The following SCHIP1 variants were observed in gnomAD, a reference collection of about 807,000 sequenced individuals.
SCHIP1 encodes schwannomin-interacting protein 1.
Under a neutral mutation model 29.7 loss-of-function variants are expected in SCHIP1, and 8 were observed. That is an observed-to-expected ratio of 0.27 (90% CI 0.16 to 0.49). SCHIP1 has a LOEUF of 0.49. Among genes scored for constraint, SCHIP1 ranks in the 20% least tolerant of loss-of-function variants. The pLI, the probability that SCHIP1 is intolerant of heterozygous loss-of-function variation, is 0.99. For synonymous variants in SCHIP1, 76 were observed against 94.9 expected (o/e 0.80, Z 1.16); for missense variants, 193 against 294.6 (o/e 0.66, Z 2.52).
chr3:159,446,163 A>T, the SCHIP1 span, among the ~76,000 whole-genome samples: 11 of 151,856 alleles, frequency 7.2e-5, no homozygotes, highest in Non-Finnish European at 2.9e-5. Context: ...GGTGCTACCA[A>T]CTCTTTCAGG....
the SCHIP1 span, among the ~76,000 whole-genome samples, chr3:159,563,971 C>T: frequency 2.0e-5 from 3 of 152,176 alleles, no homozygotes; most frequent in South Asian, 6.2e-4. Context: ...CACTTACTGC[C>T]TTCTGCCTGC....
At chr3:159,768,683 C>CT in the SCHIP1 span, 1 of 152,238 alleles carries the variant, frequency 6.6e-6, no homozygotes. Context: ...ATGGAAGGGC[C>CT]TGGGGAGTCC....
the SCHIP1 span, among the ~76,000 whole-genome samples, chr3:159,709,821 T>C: frequency 6.6e-6 from 1 of 152,202 alleles, no homozygotes; most frequent in Admixed American, 6.5e-5. Context: ...GTGAAGGCAG[T>C]TTATTAAAAT....
At chr3:159,764,355 G>T in the SCHIP1 span, 2 of 1,462,266 alleles carry the variant, frequency 1.4e-6, no homozygotes, top group South Asian at 1.4e-5. The surrounding 1 kb of genome is among the most constrained non-coding windows in gnomAD (Gnocchi z 6.1). Flanking sequence ...CGCAGGGTGC[G>T]GGGCACTGAG....
chr3:159,564,309 A>G, the SCHIP1 span, among the ~76,000 whole-genome samples: 4 of 152,222 alleles, frequency 2.6e-5, no homozygotes, highest in East Asian at 5.8e-4. Context: ...ATGACCAGCA[A>G]CGCAGCAGCT....
At chr3:159,826,772 T>G in the SCHIP1 span, among the ~76,000 whole-genome samples, 3 of 152,188 alleles carry the variant, frequency 2.0e-5, no homozygotes, top group Admixed American at 1.3e-4. Flanking sequence ...CCCAGCACTT[T>G]CAACAAGTGA....
rs903815031 is a variant in SCHIP1, at chr3:159,861,853, C to T, written c.31-4310C>T. 2.6e-5 allele frequency among the ~76,000 whole-genome samples: 4 copies of T among 152,116 alleles called. No individual in the cohort carries two copies. Among genetic ancestry groups the T allele is most frequent in the Non-Finnish European group, 5.9e-5 (4 of 68,010 alleles). On this transcript the variant is annotated intron_variant, in intron 1 of 6. Transcript: ENST00000445224. This position sits in a 1 kb window ranked among gnomAD's most constrained non-coding sequence, Gnocchi z 4.1. ...GTTTTGAGTCAGCCTCTTCCTTTTCCTGTACCCTTGTCTGTTTCTCACCCT... is the reference window on the plus strand; with the variant it reads ...GTTTTGAGTCAGCCTCTTCCTTTTCTTGTACCCTTGTCTGTTTCTCACCCT...
the SCHIP1 span, among the ~76,000 whole-genome samples, chr3:159,687,005 A>G: frequency 6.6e-6 from 1 of 151,694 alleles, no homozygotes; most frequent in Non-Finnish European, 1.5e-5. Flanking sequence ...AAGTGCCCAC[A>G]CTCCCTTGAT....
chr3:159,665,700 C>T, the SCHIP1 span, among the ~76,000 whole-genome samples: 1 of 152,042 alleles, frequency 6.6e-6, no homozygotes, highest in Non-Finnish European at 1.5e-5. Context: ...GCAAGCACCC[C>T]AAAGTGAGGT....
chr3:159,830,776 A>C, the SCHIP1 span, among the ~76,000 whole-genome samples: 1 of 152,208 alleles, frequency 6.6e-6, no homozygotes. Context: ...TCTATCCCAG[A>C]AGTCACAGGC....
the SCHIP1 span, among the ~76,000 whole-genome samples, chr3:159,424,814 G>A: frequency 6.6e-6 from 1 of 152,238 alleles, no homozygotes; most frequent in East Asian, 1.9e-4. Context: ...ACCCACAAAG[G>A]GAAGCCCATC....
chr3:159,335,498 C>A, the SCHIP1 span, among the ~76,000 whole-genome samples: 8 of 152,262 alleles, frequency 5.3e-5, no homozygotes, highest in Non-Finnish European at 1.0e-4. Flanking sequence ...CCCACTCCCC[C>A]CCAGTCCACA....
the SCHIP1 span, among the ~76,000 whole-genome samples, chr3:159,731,183 G>A: frequency 6.6e-6 from 1 of 152,216 alleles, no homozygotes; most frequent in South Asian, 2.1e-4. Context: ...CATTTTCAAA[G>A]ACAATATCCA....
At chr3:159,492,150 A>G in the SCHIP1 span, among the ~76,000 whole-genome samples, 2 of 152,198 alleles carry the variant, frequency 1.3e-5, no homozygotes, top group Non-Finnish European at 2.9e-5. Flanking sequence ...AAGATAGGGG[A>G]AAAAACAGAG....
chr3:159,581,770 G>T, the SCHIP1 span, among the ~76,000 whole-genome samples: 2 of 152,154 alleles, frequency 1.3e-5, no homozygotes, highest in African/African-American at 4.8e-5. Context: ...CAGTAATCAG[G>T]ATATTGTGAT....
chr3:159,505,595 T>C, the SCHIP1 span, among the ~76,000 whole-genome samples: 73 of 152,318 alleles, frequency 4.8e-4, no homozygotes, highest in African/African-American at 1.7e-3. Context: ...CTACATTAGG[T>C]ACATCTCCTA....
At chr3:159,614,470 C>T in the SCHIP1 span, among the ~76,000 whole-genome samples, 1 of 151,666 alleles carries the variant, frequency 6.6e-6, no homozygotes, top group Non-Finnish European at 1.5e-5. Context: ...TGTTTTTTTT[C>T]ACCCCGTGTG....
chr3:159,855,925 T>A (rs1713300627), intron 1 of SCHIP1, among the ~76,000 whole-genome samples: 1 of 152,222 alleles, frequency 6.6e-6, no homozygotes, highest in Admixed American at 6.5e-5. Context: ...CTTCTGTTCT[T>A]TTTCCGTGGG....
At chr3:159,575,235 C>T in the SCHIP1 span, among the ~76,000 whole-genome samples, 7 of 152,100 alleles carry the variant, frequency 4.6e-5, no homozygotes, top group South Asian at 2.1e-4. Flanking sequence ...AGCCATCTTG[C>T]GACTGTCTTT....
Sources: gnomAD v4.1 joint callset for allele counts (sites outside exome capture counted in the v4.1 genomes callset) on GRCh38, gnomAD v4.1.1 for gene constraint, Gnocchi (gnomAD v3.1) non-coding constraint, MANE v1.5 for transcripts, NCBI Gene and HGNC (gene_info 2026-07-23, HGNC 2026-07-21) for gene names.